The following LRRN1 variants were observed in gnomAD, a reference collection of about 807,000 sequenced individuals.
The protein encoded by LRRN1 is leucine rich repeat neuronal 1.
A neutral mutation model predicts 45.8 loss-of-function variants in LRRN1; 14 were observed. The observed-to-expected ratio is 0.31, with a 90% CI of 0.20 to 0.48. The LOEUF (loss-of-function observed/expected upper bound fraction) is 0.48, where lower values mean the gene tolerates loss of function less well. Ranked by LOEUF, LRRN1 falls within the 20% of genes least tolerant of loss-of-function variation. The pLI is 0.99. For synonymous variants in LRRN1, 359 were observed against 330.1 expected (o/e 1.09, Z -0.95); for missense variants, 789 against 874.2 (o/e 0.90, Z 1.23).
chr3:3,834,320 C>T (rs186695078), intron 1 of LRRN1, among the ~76,000 whole-genome samples: 177 of 151,548 alleles, frequency 1.2e-3, no homozygotes, highest in African/African-American at 3.8e-3. Context: ...GCATAAGTCT[C>T]TAAATAGTTT....
At chr3:3,817,263 T>C (rs1031878343) in intron 1 of LRRN1, among the ~76,000 whole-genome samples, 4 of 152,192 alleles carry the variant, frequency 2.6e-5, no homozygotes, top group Non-Finnish European at 5.9e-5. Context: ...ATTAAAAATG[T>C]CTAGTTCTTT....
intron 1 of LRRN1, among the ~76,000 whole-genome samples, chr3:3,800,196 A>G (rs1464266160): frequency 6.7e-6 from 1 of 149,744 alleles, no homozygotes; most frequent in Non-Finnish European, 1.5e-5. Context: ...GGCCAGATAG[A>G]AACAGGCAAA....
chr3:3,806,222 T>A (rs547214476), intron 1 of LRRN1, among the ~76,000 whole-genome samples: 2 of 152,334 alleles, frequency 1.3e-5, no homozygotes, highest in African/African-American at 4.8e-5. Flanking sequence ...ATCCTGCCTC[T>A]GCCCTCAGTG....
At chr3:3,826,636 C>T (rs1215311527) in intron 1 of LRRN1, among the ~76,000 whole-genome samples, 1 of 152,076 alleles carries the variant, frequency 6.6e-6, no homozygotes, top group Non-Finnish European at 1.5e-5. Flanking sequence ...ATAGCTCTTC[C>T]TCTCATACGA....
intron 1 of LRRN1, among the ~76,000 whole-genome samples, chr3:3,836,468 G>T (rs1693515622): frequency 6.6e-6 from 1 of 152,164 alleles, no homozygotes; most frequent in African/African-American, 2.4e-5. Context: ...ATTTCATAAT[G>T]TCCTCAAGAT....
intron 1 of LRRN1, among the ~76,000 whole-genome samples, chr3:3,802,872 C>T (rs1344848691): frequency 6.6e-6 from 1 of 152,180 alleles, no homozygotes; most frequent in Non-Finnish European, 1.5e-5. Context: ...AAAAATGACC[C>T]TCACATTTGT....
intron 1 of LRRN1, among the ~76,000 whole-genome samples, chr3:3,806,424 C>A (rs1190294600): frequency 2.0e-5 from 3 of 152,186 alleles, no homozygotes; most frequent in Non-Finnish European, 4.4e-5. Flanking sequence ...AAGTGCTCAG[C>A]AGGAGACGAT....
At chr3:3,801,537 G>A (rs1692652648) in intron 1 of LRRN1, among the ~76,000 whole-genome samples, 1 of 152,172 alleles carries the variant, frequency 6.6e-6, no homozygotes, top group Admixed American at 6.5e-5. Context: ...CGAAGTCTCT[G>A]ATTTGCATGC....
chr3:3,844,762 C>T lies in LRRN1; in HGVS notation c.121C>T (p.Arg41Cys), dbSNP rs1253954205. Residue 41 changes from arginine to cysteine, a missense_variant, in exon 2 of 2, where the codon CGT becomes TGT. Physicochemically the swap from Arg to Cys is radical, Grantham distance 180. Transcript: ENST00000319331. ...TCCACAACTTTGCGTATGTGAAATT[C>T]GTCCCTGGTTTACCCCACAGTCAAC... Reference protein sequence around the residue: ...ECPQLCVCEIRPWFTPQSTYR... With the variant: ...ECPQLCVCEICPWFTPQSTYR... The T allele has an allele frequency of 1.2e-6, 2 of 1,614,084 alleles. No homozygotes were observed. Among genetic ancestry groups the T allele is most frequent in the African/African-American group, 1.3e-5 (1 of 75,026 alleles).
intron 1 of LRRN1, among the ~76,000 whole-genome samples, chr3:3,814,077 CTT>C (rs1411144045): frequency 7.3e-5 from 11 of 151,522 alleles, no homozygotes; most frequent in Admixed American, 7.2e-4. Flanking sequence ...TCCCTAGTGT[CTT>C]TTAAATATGG....
chr3:3,821,273 T>C (rs1271814047), intron 1 of LRRN1, among the ~76,000 whole-genome samples: 2 of 152,156 alleles, frequency 1.3e-5, no homozygotes, highest in Non-Finnish European at 2.9e-5. Context: ...CCATTTCTCA[T>C]TCCCACCAGC....
intron 1 of LRRN1, among the ~76,000 whole-genome samples, chr3:3,833,582 C>A (rs1486383236): frequency 2.6e-5 from 4 of 152,154 alleles, no homozygotes; most frequent in African/African-American, 9.7e-5. Context: ...ACACTCTCAA[C>A]CTCACCTCCA....
chr3:3,823,405 AAAG>A (rs932449423), intron 1 of LRRN1, among the ~76,000 whole-genome samples: 48 of 152,248 alleles, frequency 3.2e-4, no homozygotes, highest in Admixed American at 7.2e-4. Flanking sequence ...TTAAAAAAAA[AAAG>A]AAGAAGAAGA....
chr3:3,847,278 G>A lies in LRRN1; in HGVS notation c.*486G>A, dbSNP rs1208804108. The A allele has an allele frequency of 9.0e-5, 15 of 167,336 alleles. No individual in the cohort carries two copies. 10.4% of individuals were successfully genotyped at this position (167,336 alleles called of 1,614,324 possible). A position where few individuals can be genotyped will look rare whatever the true frequency, so the allele number is the denominator to read the frequency against. The stretch of plus-strand genomic sequence containing the variant: ...TAGACTTTTAACTCAAGAAGCTAAG[G>A]CTAGACTTGTTACCTTCGTTGAATG... On this transcript the variant is annotated 3_prime_UTR_variant, in exon 2 of 2. Coordinates refer to ENST00000319331, the MANE Select transcript of LRRN1 (RefSeq NM_020873.7).
chr3:3,845,103 A>G lies in LRRN1; in HGVS notation c.462A>G (p.Gln154=), dbSNP rs1693735102. ...NLQELYINHN[Q]ISTISAHAFA... ...AAGAACTCTACATCAACCACAACCAAATTAGCACTATTTCTGCTCATGCTT... is the reference window on the plus strand; with the variant it reads ...AAGAACTCTACATCAACCACAACCAGATTAGCACTATTTCTGCTCATGCTT... The change falls in exon 2 of 2, where the codon CAA becomes CAG. Residue 154 remains glutamine (Q), a synonymous_variant. Coordinates refer to ENST00000319331, the MANE Select transcript of LRRN1 (RefSeq NM_020873.7). This position sits in a 1 kb window ranked among gnomAD's most constrained non-coding sequence, Gnocchi z 6.5. 1.2e-6 allele frequency: 2 copies of G among 1,613,938 alleles called. No individual in the cohort carries two copies. Among genetic ancestry groups the G allele is most frequent in the Admixed American group, 1.7e-5 (1 of 59,998 alleles).
rs766145210 is a variant in LRRN1 at position 3,845,998 on chromosome 3, C to T, written c.1357C>T (p.Pro453Ser). Residue 453 changes from proline (P) to serine (S), a missense_variant, in exon 2 of 2, where the codon CCA becomes TCA. Pro to Ser is a moderately conservative substitution (Grantham distance 74). Coordinates refer to ENST00000319331, the MANE Select transcript of LRRN1 (RefSeq NM_020873.7). The surrounding 1 kb of genome is among the most constrained non-coding windows in gnomAD (Gnocchi z 6.5). The part of the protein sequence containing the change: ...VFLDCRAMAE[P>S]EPEIYWVTPI... ...CCTAGACTGTCGAGCCATGGCTGAG[C>T]CAGAACCTGAAATTTACTGGGTCAC... 7 of 1,613,858 alleles carry T rather than the reference C, an allele frequency of 4.3e-6. No homozygotes were observed. In the South Asian group the frequency reaches 6.6e-5, roughly 15 times the overall value.
At chr3:3,842,832 A>AT (rs1693676948) in intron 1 of LRRN1, among the ~76,000 whole-genome samples, 1 of 152,210 alleles carries the variant, frequency 6.6e-6, no homozygotes, top group Non-Finnish European at 1.5e-5. Context: ...CACTGGATCC[A>AT]TAATGGCTTT....
chr3:3,849,479 A>T lies in LRRN1; in HGVS notation c.*2687A>T, dbSNP rs998858165. 5.3e-5 allele frequency among the ~76,000 whole-genome samples: 8 copies of T among 151,958 alleles called. No homozygotes were observed. The highest frequency in any genetic ancestry group is 8.8e-5 in the Non-Finnish European group (6 of 68,034). ...TTCTCATTTGTATTTAATTTCATAA[A>T]TTAGACAGCCAGTGAAATTAGACCT... is the stretch of plus-strand genomic sequence containing the variant. On this transcript the variant is annotated 3_prime_UTR_variant, in exon 2 of 2. Coordinates refer to ENST00000319331, the MANE Select transcript of LRRN1 (RefSeq NM_020873.7).
rs1018128494 is a variant in LRRN1, at chr3:3,847,827, G to A, written c.*1035G>A. On this transcript the variant is annotated 3_prime_UTR_variant, in exon 2 of 2. Coordinates refer to ENST00000319331, the MANE Select transcript of LRRN1 (RefSeq NM_020873.7). Reference sequence around the variant, plus strand: ...GAACAGGATTTCTGTATTTTAAATAGTACTGACTAGCACCTAATGGGCAGT... The same window carrying A: ...GAACAGGATTTCTGTATTTTAAATAATACTGACTAGCACCTAATGGGCAGT... 1.8e-5 allele frequency: 3 copies of A among 165,402 alleles called. No individual in the cohort carries two copies. The highest frequency in any genetic ancestry group is 7.2e-5 in the African/African-American group (3 of 41,410). 10.2% of individuals were successfully genotyped at this position (165,402 alleles called of 1,614,324 possible).
Sources: gnomAD v4.1 joint callset for allele counts (sites outside exome capture counted in the v4.1 genomes callset) on GRCh38, gnomAD v4.1.1 for gene constraint, Gnocchi (gnomAD v3.1) non-coding constraint, MANE v1.5 for transcripts, NCBI Gene and HGNC (gene_info 2026-07-23, HGNC 2026-07-21) for gene names.